NFIA: variants seen among roughly 807,000 people sequenced by gnomAD.
NFIA encodes the protein nuclear factor I A.
NFIA carries 8 observed loss-of-function variants against 62.8 expected under a neutral mutation model. The observed-to-expected ratio is 0.13, with a 90% confidence interval of 0.07 to 0.23. The LOEUF (loss-of-function observed/expected upper bound fraction) is 0.23, where lower values mean the gene tolerates loss of function less well. NFIA is among the 10% of genes least tolerant of loss of function. NFIA has a pLI of 1.00. For missense variants in NFIA, 410 were observed against 642.1 expected (o/e 0.64, Z 3.91); for synonymous variants, 235 against 238.1 (o/e 0.99, Z 0.12).
At chr1:61,080,244 G>A (rs1338513103), upstream of NFIA, among the ~76,000 whole-genome samples, 1 of 151,402 alleles carries the variant, frequency 6.6e-6, no homozygotes, top group Non-Finnish European at 1.5e-5. Flanking sequence ...AACAAAAGAA[G>A]TTTTTAAAGT....
chr1:61,355,787 A>G lies in NFIA; in HGVS notation c.818+3220A>G, dbSNP rs184627712. Reference sequence around the variant, plus strand: ...TTTTTTGTAAAGACAAGGTCTCGCTATGTTGCCCACGGTGGTCTCTCAACT... The same window carrying G: ...TTTTTTGTAAAGACAAGGTCTCGCTGTGTTGCCCACGGTGGTCTCTCAACT... On this transcript the variant is annotated intron_variant, in intron 5 of 10. Coordinates refer to ENST00000403491, the MANE Select transcript of NFIA (RefSeq NM_001134673.4). Among the ~76,000 whole-genome samples the G allele has an allele frequency of 6.3e-4, 96 of 152,206 alleles. 2 individuals carry two copies. In the East Asian group the frequency reaches 0.013, roughly 21 times the overall value.
At chr1:61,288,310 G>A (rs1658640882) in intron 3 of NFIA, among the ~76,000 whole-genome samples, 2 of 151,942 alleles carry the variant, frequency 1.3e-5, no homozygotes, top group South Asian at 4.2e-4. Context: ...AAAATAGAAG[G>A]GGCCATATTT....
rs897244690 is a variant in NFIA at position 61,238,949 on chromosome 1, G to A, written c.560-38571G>A. Among the ~76,000 whole-genome samples, 4 of 152,014 alleles carry A rather than the reference G, an allele frequency of 2.6e-5. No homozygotes were observed. In the South Asian group the frequency reaches 8.3e-4, roughly 32 times the overall value. On this transcript the variant is annotated intron_variant, in intron 2 of 10. Transcript: ENST00000403491. The stretch of plus-strand genomic sequence containing the variant: ...TTTTTATACCATTTAGTTGTTGGGG[G>A]AATTTCTTTTCCATAAATTGATTTT...
intron 2 of NFIA, among the ~76,000 whole-genome samples, chr1:61,119,173 TG>T (rs1369291540): frequency 1.3e-5 from 2 of 152,182 alleles, no homozygotes. Context: ...CACGTATAAT[TG>T]GTAATTTTAG....
chr1:61,279,251 T>C (rs1431956836), intron 3 of NFIA, among the ~76,000 whole-genome samples: 1 of 152,204 alleles, frequency 6.6e-6, no homozygotes, highest in Non-Finnish European at 1.5e-5. Context: ...CACTGATTTT[T>C]CAGAATATGT....
intron 6 of NFIA, among the ~76,000 whole-genome samples, chr1:61,362,697 T>C (rs1301400497): frequency 6.6e-6 from 1 of 152,244 alleles, no homozygotes; most frequent in African/African-American, 2.4e-5. Context: ...AGATTAAAGA[T>C]GATGTTAGTT....
At chr1:61,124,831 G>A (rs370879946) in intron 2 of NFIA, 40 of 152,266 alleles carry the variant, frequency 2.6e-4, no homozygotes, top group African/African-American at 9.4e-4. Context: ...TCAGGACGTG[G>A]TGGTGGATGG....
chr1:61,404,288 G>T lies in NFIA; in HGVS notation c.1254+6G>T, dbSNP rs1198193896. ...GACAGGTGGGGTTCCTCAATGTAAG[G>T]AAACCTCTTTTTTTCCATTTCTTTA... On this transcript the variant is annotated splice_donor_region_variant and intron_variant, in intron 8 of 10. Coordinates refer to ENST00000403491, the MANE Select transcript of NFIA (RefSeq NM_001134673.4). 1 of 1,593,426 alleles carries T rather than the reference G, an allele frequency of 6.3e-7. No homozygotes were observed.
intron 10 of NFIA, among the ~76,000 whole-genome samples, chr1:61,449,613 G>A (rs1667972526): frequency 6.6e-6 from 1 of 152,174 alleles, no homozygotes; most frequent in African/African-American, 2.4e-5. Context: ...GGCTTTGGGG[G>A]ATCCGGAAGA....
At chr1:61,264,645 C>T (rs1657029230) in intron 2 of NFIA, among the ~76,000 whole-genome samples, 1 of 111,570 alleles carries the variant, frequency 9.0e-6, no homozygotes, top group Admixed American at 9.9e-5. Context: ...GAGCAAAACT[C>T]CACCTTACAA....
chr1:61,452,753 T>C (rs751519108), intron 10 of NFIA, among the ~76,000 whole-genome samples: 2 of 152,224 alleles, frequency 1.3e-5, no homozygotes, highest in East Asian at 1.9e-4. Flanking sequence ...GCAACTTCTA[T>C]TGATTAAAAA....
chr1:61,222,370 A>G (rs573585787), intron 2 of NFIA, among the ~76,000 whole-genome samples: 4 of 152,178 alleles, frequency 2.6e-5, no homozygotes, highest in East Asian at 1.9e-4. Flanking sequence ...TTGGGTTTCT[A>G]TGTACCTTGC....
intron 4 of NFIA, among the ~76,000 whole-genome samples, chr1:61,348,571 A>G (rs898671884): frequency 2.0e-5 from 3 of 152,186 alleles, no homozygotes; most frequent in African/African-American, 7.2e-5. Flanking sequence ...ATGTGGGCTT[A>G]ATTATTTTTT....
intron 2 of NFIA, among the ~76,000 whole-genome samples, chr1:61,232,135 C>CAGTG (rs1431530457): frequency 6.6e-6 from 1 of 152,044 alleles, no homozygotes; most frequent in Non-Finnish European, 1.5e-5. Context: ...CAGAACAGAA[C>CAGTG]AGTGATTCTG....
intron 3 of NFIA, among the ~76,000 whole-genome samples, chr1:61,286,553 A>G (rs1658514159): frequency 6.6e-6 from 1 of 152,198 alleles, no homozygotes; most frequent in South Asian, 2.1e-4. Flanking sequence ...AAGGGAAAAG[A>G]CACCATTTGT....
In NFIA at chr1:61,126,777, CTTTTTTTTTT is replaced by C. The variant is rs56255004; in HGVS notation, c.559+38112_559+38121del. ...ATGGTCAGTAACTATTGTCAGATTC[CTTTTTTTTTT>C]TTTTTTTTTTTTTTGAAGACAAAGT... On this transcript the variant is annotated intron_variant, in intron 2 of 10. Coordinates refer to ENST00000403491, the MANE Select transcript of NFIA (RefSeq NM_001134673.4). Among the ~76,000 whole-genome samples, 53 of 87,326 alleles carry C rather than the reference CTTTTTTTTTT, an allele frequency of 6.1e-4. 1 individual carries two copies. Among genetic ancestry groups the C allele is most frequent in the African/African-American group, 1.2e-3 (28 of 23,276 alleles). The allele number at this position is 87,326 out of a possible 152,430, so 57.3% of individuals were successfully genotyped here. A position where few individuals can be genotyped will look rare whatever the true frequency, so the allele number is the denominator to read the frequency against.
At chr1:61,220,471 G>A (rs1158547440) in intron 2 of NFIA, among the ~76,000 whole-genome samples, 1 of 152,132 alleles carries the variant, frequency 6.6e-6, no homozygotes, top group Admixed American at 6.6e-5. Context: ...TGGCAATGCG[G>A]TATTTAGACC....
At chr1:61,139,820 T>G (rs983013278) in intron 2 of NFIA, among the ~76,000 whole-genome samples, 17 of 151,338 alleles carry the variant, frequency 1.1e-4, no homozygotes, top group African/African-American at 4.1e-4. Flanking sequence ...GCTAAGCATA[T>G]TTTTCCTGCC....
chr1:61,380,700 C>G (rs1418133860), intron 6 of NFIA, among the ~76,000 whole-genome samples: 1 of 152,028 alleles, frequency 6.6e-6, no homozygotes, highest in East Asian at 1.9e-4. Flanking sequence ...ATTGAAAACA[C>G]AAAGTAATTT....
Sources: gnomAD v4.1 joint callset for allele counts (sites outside exome capture counted in the v4.1 genomes callset) on GRCh38, gnomAD v4.1.1 for gene constraint, MANE v1.5 for transcripts, NCBI Gene and HGNC (gene_info 2026-07-23, HGNC 2026-07-21) for gene names.